ADAMTS17: variants seen among roughly 807,000 people sequenced by gnomAD.
ADAMTS17 encodes the protein A disintegrin and metalloproteinase with thrombospondin motifs 17.
In ADAMTS17, 113 loss-of-function variants were observed where a neutral mutation model predicts 141.5. That is an observed-to-expected ratio of 0.80 (90% CI 0.69 to 0.93). The LOEUF is 0.93. Ranked by LOEUF, ADAMTS17 falls within the 40% of genes least tolerant of loss-of-function variation. ADAMTS17 has a pLI of 0.00. For synonymous variants in ADAMTS17, 768 were observed against 630.6 expected (o/e 1.22, Z -3.27); for missense variants, 1,659 against 1,517.9 (o/e 1.09, Z -1.54).
intron 7 of ADAMTS17, among the ~76,000 whole-genome samples, chr15:100,252,008 T>G (rs1412674492): frequency 6.6e-6 from 1 of 152,178 alleles, no homozygotes; most frequent in Non-Finnish European, 1.5e-5. Flanking sequence ...TCAGTTTGTG[T>G]GGCATTTTGT....
At chr15:100,059,227 C>T (rs1198725255) in intron 15 of ADAMTS17, among the ~76,000 whole-genome samples, 3 of 152,250 alleles carry the variant, frequency 2.0e-5, no homozygotes, top group Non-Finnish European at 4.4e-5. Context: ...GGTTTGGGGT[C>T]AGCTCTCACA....
chr15:100,134,905 C>T (rs1256675727), intron 10 of ADAMTS17, among the ~76,000 whole-genome samples: 2 of 152,176 alleles, frequency 1.3e-5, no homozygotes. Context: ...GATGAGAGCC[C>T]CAGTGCAGCA....
intron 14 of ADAMTS17, among the ~76,000 whole-genome samples, chr15:100,105,811 C>T (rs1053444622): frequency 3.9e-5 from 6 of 152,022 alleles, no homozygotes; most frequent in African/African-American, 1.4e-4. Flanking sequence ...CTTTAGCCTC[C>T]TGAGTAGCTG....
At chr15:100,225,445 C>T (rs544272160) in intron 7 of ADAMTS17, among the ~76,000 whole-genome samples, 24 of 152,344 alleles carry the variant, frequency 1.6e-4, no homozygotes, top group African/African-American at 5.1e-4. Context: ...TAAGCAGTCA[C>T]GGCCTCTGTG....
At chr15:100,136,230 G>C (rs746449635) in intron 10 of ADAMTS17, among the ~76,000 whole-genome samples, 1 of 152,102 alleles carries the variant, frequency 6.6e-6, no homozygotes. Context: ...ATGGAATACT[G>C]TATGATTTCA....
chr15:100,337,528 C>T (rs1055481224), intron 2 of ADAMTS17, among the ~76,000 whole-genome samples: 4 of 152,332 alleles, frequency 2.6e-5, no homozygotes, highest in African/African-American at 7.2e-5. Context: ...ACCTGGAACG[C>T]GGTTATGGCT....
chr15:100,179,382 G>A (rs2040446314), intron 8 of ADAMTS17, among the ~76,000 whole-genome samples: 1 of 152,150 alleles, frequency 6.6e-6, no homozygotes, highest in Non-Finnish European at 1.5e-5. Context: ...TGTTGCAAGT[G>A]ACAGGATCTC....
At chr15:100,263,400 T>C (rs2043599483) in intron 4 of ADAMTS17, among the ~76,000 whole-genome samples, 2 of 152,178 alleles carry the variant, frequency 1.3e-5, no homozygotes, top group Non-Finnish European at 2.9e-5. Context: ...TTCCCTCAAG[T>C]CCCATTGTAA....
At chr15:100,230,210 C>T (rs565119195) in intron 7 of ADAMTS17, among the ~76,000 whole-genome samples, 11 of 152,338 alleles carry the variant, frequency 7.2e-5, no homozygotes, top group East Asian at 1.9e-4. Flanking sequence ...AAACACGTCA[C>T]GAATGACACC....
At chr15:100,228,527 G>C (rs545506375) in intron 7 of ADAMTS17, among the ~76,000 whole-genome samples, 1 of 152,304 alleles carries the variant, frequency 6.6e-6, no homozygotes, top group African/African-American at 2.4e-5. Context: ...CTGGACCGAG[G>C]AGAAAAGGAA....
At chr15:100,288,158 G>A (rs1478469060) in intron 3 of ADAMTS17, among the ~76,000 whole-genome samples, 1 of 152,170 alleles carries the variant, frequency 6.6e-6, no homozygotes, top group Non-Finnish European at 1.5e-5. Flanking sequence ...GTAAAGGGAT[G>A]GAGAAACATC....
intron 8 of ADAMTS17, among the ~76,000 whole-genome samples, chr15:100,171,238 G>A (rs368068819): frequency 2.0e-5 from 3 of 152,156 alleles, no homozygotes; most frequent in African/African-American, 7.2e-5. Context: ...AGCAGACAGT[G>A]CAAGGACAGA....
At chr15:100,053,524 G>A (rs919099039) in intron 16 of ADAMTS17, among the ~76,000 whole-genome samples, 24 of 152,200 alleles carry the variant, frequency 1.6e-4, no homozygotes, top group Admixed American at 1.4e-3. Flanking sequence ...GCAGATCTAT[G>A]CATCTCACCA....
chr15:100,339,296 G>A (rs946863772), intron 2 of ADAMTS17, among the ~76,000 whole-genome samples: 2 of 152,116 alleles, frequency 1.3e-5, no homozygotes, highest in East Asian at 1.9e-4. Flanking sequence ...TTTCCACCTC[G>A]GCGCCTTCAC....
intron 14 of ADAMTS17, among the ~76,000 whole-genome samples, chr15:100,103,251 C>T (rs1044424535): frequency 1.3e-5 from 2 of 152,208 alleles, no homozygotes; most frequent in Admixed American, 6.5e-5. Flanking sequence ...CAGTAACACA[C>T]GTTAGAGATG....
At chr15:99,978,177 C>T (rs2060405214) in intron 20 of ADAMTS17, among the ~76,000 whole-genome samples, 1 of 152,198 alleles carries the variant, frequency 6.6e-6, no homozygotes, top group African/African-American at 2.4e-5. Flanking sequence ...TCTCCAGACA[C>T]AGGCTGCGTG....
rs141508145 is a variant in ADAMTS17, at chr15:100,056,384, T to C, written c.2138-2330A>G. 3.4e-3 allele frequency among the ~76,000 whole-genome samples: 513 copies of C among 152,080 alleles called. 7 individuals carry two copies. The highest frequency in any genetic ancestry group is 0.012 in the African/African-American group (490 of 41,476). On this transcript the variant is annotated intron_variant, in intron 15 of 21. Transcript: ENST00000268070. Reference sequence around the variant, plus strand: ...AGACAGCAGTCCCCAGGACTGCTTTTTGGGACTAGGGACTGGTTTCGTGGA... The same window carrying C: ...AGACAGCAGTCCCCAGGACTGCTTTCTGGGACTAGGGACTGGTTTCGTGGA...
intron 7 of ADAMTS17, among the ~76,000 whole-genome samples, chr15:100,248,980 G>C (rs561892610): frequency 6.6e-6 from 1 of 151,918 alleles, no homozygotes; most frequent in South Asian, 2.1e-4. Flanking sequence ...TGTATTTTTA[G>C]TAGAGACAGA....
rs1442973411 is a variant in ADAMTS17, at chr15:99,976,091, G to A, written c.3081C>T (p.Val1027=). ...PAPYRQCYQE[V]CNDRINANTI... ...TGTTGGCGTTGATCCTGTCGTTGCA[G>A]ACCTCCTGGTAGCACTGTCTGTAGG... Residue 1027 remains valine, a synonymous_variant, in exon 21 of 22, where the codon GTC becomes GTT. Coordinates refer to ENST00000268070, the MANE Select transcript of ADAMTS17 (RefSeq NM_139057.4). 1 of 1,551,740 alleles carries A rather than the reference G, an allele frequency of 6.4e-7. No individual in the cohort carries two copies.
Sources: gnomAD v4.1 joint callset for allele counts (sites outside exome capture counted in the v4.1 genomes callset) on GRCh38, gnomAD v4.1.1 for gene constraint, MANE v1.5 for transcripts, NCBI Gene and HGNC (gene_info 2026-07-23, HGNC 2026-07-21) for gene names.